KCNQ3: variants seen among roughly 807,000 people sequenced by gnomAD.
KCNQ3 encodes the protein potassium voltage-gated channel subfamily Q member 3, also known as potassium voltage-gated channel subfamily KQT member 3.
KCNQ3 carries 30 observed loss-of-function variants against 92.5 expected under a neutral mutation model. That is an observed-to-expected ratio of 0.32 (90% CI 0.24 to 0.44). KCNQ3 has a LOEUF of 0.44. Ranked by LOEUF, KCNQ3 falls within the 20% of genes least tolerant of loss-of-function variation. The pLI is 1.00. For synonymous variants in KCNQ3, 450 were observed against 468.8 expected, an observed-to-expected ratio of 0.96 and a Z score of 0.52; for missense variants, 913 against 1,140.3, an observed-to-expected ratio of 0.80 and a Z score of 2.87.
chr8:132,421,863 A>G (rs1241241437), intron 1 of KCNQ3, among the ~76,000 whole-genome samples: 1 of 152,078 alleles, frequency 6.6e-6, no homozygotes, highest in Non-Finnish European at 1.5e-5. Flanking sequence ...GCAAATACAG[A>G]CTTCATTTTC....
intron 9 of KCNQ3, among the ~76,000 whole-genome samples, chr8:132,152,763 T>C (rs1825680624): frequency 6.6e-6 from 1 of 152,148 alleles, no homozygotes; most frequent in South Asian, 2.1e-4. Context: ...GAGGAGAGGA[T>C]CACCCAACTC....
intron 1 of KCNQ3, among the ~76,000 whole-genome samples, chr8:132,206,995 G>A (rs1470240021): frequency 6.6e-6 from 1 of 152,128 alleles, no homozygotes; most frequent in East Asian, 1.9e-4. Context: ...AAACAATCAT[G>A]TTTAATGAAA....
chr8:132,157,638 T>G (rs920462570), intron 9 of KCNQ3, among the ~76,000 whole-genome samples: 1 of 133,438 alleles, frequency 7.5e-6, no homozygotes, highest in Admixed American at 7.8e-5. Context: ...AAATGTAACC[T>G]GTGTTTTATT....
chr8:132,167,904 G>T lies in KCNQ3; in HGVS notation c.1235+2430C>A, dbSNP rs941182067. Among the ~76,000 whole-genome samples, 6 of 152,198 alleles carry T rather than the reference G, an allele frequency of 3.9e-5. No individual in the cohort carries two copies. The East Asian group carries it at 9.6e-4, about 24-fold the overall frequency. On this transcript the variant is annotated intron_variant, in intron 8 of 14. Coordinates refer to ENST00000388996, the MANE Select transcript of KCNQ3 (RefSeq NM_004519.4). ...CTTGTTTGAGTTCAAGGTCACTGTG[G>T]TCTCTTAAGGGGAAGTCATCTGCCC...
At chr8:132,294,843 T>C (rs1816968267) in intron 1 of KCNQ3, among the ~76,000 whole-genome samples, 1 of 152,222 alleles carries the variant, frequency 6.6e-6, no homozygotes, top group Non-Finnish European at 1.5e-5. Context: ...ATTTGGCATA[T>C]GCAGAACATT....
intron 1 of KCNQ3, among the ~76,000 whole-genome samples, chr8:132,212,110 T>C (rs1397233140): frequency 6.6e-6 from 1 of 152,188 alleles, no homozygotes; most frequent in African/African-American, 2.4e-5. Context: ...GCTGTAGTGC[T>C]AAACACAGAG....
chr8:132,408,258 C>G (rs757157950), intron 1 of KCNQ3, among the ~76,000 whole-genome samples: 4 of 152,144 alleles, frequency 2.6e-5, no homozygotes, highest in African/African-American at 4.8e-5. Flanking sequence ...GAGATACTTT[C>G]AAGAATCCAG....
At position 132,186,188 on chromosome 8, in the gene KCNQ3, G is replaced by T; in HGVS notation, c.387-7C>A. On this transcript the variant is annotated splice_region_variant and splice_polypyrimidine_tract_variant and intron_variant, in intron 1 of 14. Coordinates refer to ENST00000388996, the MANE Select transcript of KCNQ3 (RefSeq NM_004519.4). ...CCCCAGGACAATCAGGAACCTAGAG[G>T]GGAAGAAAGAAATGGACTAAGGAAC... is the stretch of plus-strand genomic sequence containing the variant. The T allele has an allele frequency of 6.2e-7, 1 of 1,606,042 alleles. No homozygotes were observed. Among genetic ancestry groups the T allele is most frequent in the South Asian group, 1.1e-5 (1 of 90,846 alleles).
At position 132,480,410 on chromosome 8, in the gene KCNQ3, C is replaced by T. The variant is rs769062967; in HGVS notation, c.123G>A (p.Arg41=). ...CGTCGCCGGGCGCCAGCCCCACTTT[C>T]CGCTCCTCGTCGCCGGCCGCCGCCG... ...GDAAAAGDEE[R]KVGLAPGDVE... Residue 41 remains arginine (R), a synonymous_variant, in exon 1 of 15, where the codon CGG becomes CGA. Coordinates refer to ENST00000388996, the MANE Select transcript of KCNQ3 (RefSeq NM_004519.4). 6.6e-7 allele frequency: 1 copy of T among 1,513,110 alleles called. No individual in the cohort carries two copies. The highest frequency in any genetic ancestry group is 8.8e-7 in the Non-Finnish European group (1 of 1,137,518). 93.7% of individuals were successfully genotyped at this position (1,513,110 alleles called of 1,614,324 possible).
At chr8:132,389,257 G>C (rs1819985038) in intron 1 of KCNQ3, among the ~76,000 whole-genome samples, 1 of 152,130 alleles carries the variant, frequency 6.6e-6, no homozygotes, top group Non-Finnish European at 1.5e-5. Flanking sequence ...AGGAGTTTGA[G>C]GCCAGCCTAG....
chr8:132,310,433 G>A (rs1817560468), intron 1 of KCNQ3, among the ~76,000 whole-genome samples: 1 of 152,234 alleles, frequency 6.6e-6, no homozygotes, highest in Non-Finnish European at 1.5e-5. Context: ...AGGAGTGCAG[G>A]AGTGCGGGGC....
chr8:132,473,610 T>A lies in KCNQ3; in HGVS notation c.386+6537A>T, dbSNP rs983645890. Among the ~76,000 whole-genome samples, 9 of 152,228 alleles carry A rather than the reference T, an allele frequency of 5.9e-5. No homozygotes were observed. In the East Asian group the frequency reaches 7.7e-4, roughly 13 times the overall value. ...AACAACACAAATATCTAACACTGAA[T>A]GCTTCTTCCATGTAAAGTGCTCTTA... is the stretch of plus-strand genomic sequence containing the variant. On this transcript the variant is annotated intron_variant, in intron 1 of 14. Transcript: ENST00000388996.
intron 1 of KCNQ3, among the ~76,000 whole-genome samples, chr8:132,365,305 T>A (rs553287643): frequency 2.2e-4 from 34 of 152,370 alleles, no homozygotes; most frequent in African/African-American, 8.2e-4. Flanking sequence ...GCCTCCAACT[T>A]GTGTGAGAGG....
At chr8:132,406,126 TAGAA>T (rs1563898552) in intron 1 of KCNQ3, among the ~76,000 whole-genome samples, 1 of 152,202 alleles carries the variant, frequency 6.6e-6, no homozygotes, top group Non-Finnish European at 1.5e-5. Flanking sequence ...TTAAACCTGA[TAGAA>T]AGAAGGGTGT....
At chr8:132,419,756 G>A (rs574734148) in intron 1 of KCNQ3, among the ~76,000 whole-genome samples, 1 of 152,246 alleles carries the variant, frequency 6.6e-6, no homozygotes, top group African/African-American at 2.4e-5. Flanking sequence ...GAAAACTGAG[G>A]CTCAAAAATC....
intron 1 of KCNQ3, among the ~76,000 whole-genome samples, chr8:132,347,485 G>A (rs1211327851): frequency 2.6e-5 from 4 of 152,106 alleles, no homozygotes. Flanking sequence ...GGGGGAGGGA[G>A]TAAAAAAGGG....
At chr8:132,343,877 C>T (rs1003960906) in intron 1 of KCNQ3, among the ~76,000 whole-genome samples, 3 of 152,158 alleles carry the variant, frequency 2.0e-5, no homozygotes, top group African/African-American at 7.2e-5. Context: ...CAAATCTGCT[C>T]AACGAAGAAG....
intron 9 of KCNQ3, among the ~76,000 whole-genome samples, chr8:132,163,084 T>TA (rs973528791): frequency 6.6e-6 from 1 of 152,168 alleles, no homozygotes; most frequent in Non-Finnish European, 1.5e-5. Context: ...ATGGTCTTAA[T>TA]ATTTGCACCT....
intron 1 of KCNQ3, among the ~76,000 whole-genome samples, chr8:132,203,849 T>C (rs1028348956): frequency 6.6e-6 from 1 of 152,224 alleles, no homozygotes; most frequent in Non-Finnish European, 1.5e-5. Context: ...TGATTGTTAT[T>C]TTTATTATCA....
Sources: gnomAD v4.1 joint callset for allele counts (sites outside exome capture counted in the v4.1 genomes callset) on GRCh38, gnomAD v4.1.1 for gene constraint, MANE v1.5 for transcripts, NCBI Gene and HGNC (gene_info 2026-07-23, HGNC 2026-07-21) for gene names.